The following PDZD2 variants were observed in gnomAD, a reference collection of about 807,000 sequenced individuals.
PDZD2 encodes PDZ domain-containing protein 2.
Under a neutral mutation model 220.7 loss-of-function variants are expected in PDZD2, and 90 were observed. The observed-to-expected ratio is 0.41, with a 90% CI of 0.34 to 0.49. The LOEUF is 0.49. Among genes scored for constraint, PDZD2 ranks in the 20% least tolerant of loss-of-function variants. The pLI is 0.28. For missense variants in PDZD2, 3,174 were observed against 3,608.5 expected, an observed-to-expected ratio of 0.88 and a Z score of 3.08; for synonymous variants, 1,375 against 1,450.5, an observed-to-expected ratio of 0.95 and a Z score of 1.18.
chr5:32,085,656 A>G (rs1742374717), intron 19 of PDZD2, among the ~76,000 whole-genome samples: 1 of 150,328 alleles, frequency 6.7e-6, no homozygotes, highest in Non-Finnish European at 1.5e-5. Flanking sequence ...CATGTTGGCC[A>G]GGCTGGTCTC....
At chr5:32,103,276 G>C (rs1472705828) in intron 24 of PDZD2, among the ~76,000 whole-genome samples, 1 of 152,122 alleles carries the variant, frequency 6.6e-6, no homozygotes, top group African/African-American at 2.4e-5. Context: ...AGCCTTGTTA[G>C]GCAGAGTGGT....
intron 1 of PDZD2, among the ~76,000 whole-genome samples, chr5:31,781,090 T>C (rs943587022): frequency 9.9e-5 from 15 of 151,856 alleles, no homozygotes; most frequent in African/African-American, 3.6e-4. Flanking sequence ...CCCTGATGGG[T>C]GGAGGAGGAT....
chr5:31,792,638 G>C (rs1486028079), intron 1 of PDZD2, among the ~76,000 whole-genome samples: 2 of 151,918 alleles, frequency 1.3e-5, no homozygotes, highest in Non-Finnish European at 2.9e-5. Context: ...GGCTGATCTC[G>C]AGTTTCTGAC....
chr5:31,999,671 T>C lies in PDZD2; in HGVS notation c.1122-468T>C, dbSNP rs376869905. On this transcript the variant is annotated intron_variant, in intron 4 of 24. Coordinates refer to ENST00000438447, the MANE Select transcript of PDZD2 (RefSeq NM_178140.4). ...TGCCCCAGAGGACATCTGGTCAGGG[T>C]CACATCCCTGGGAAGAGAGGAGTGC... is the stretch of plus-strand genomic sequence containing the variant. Among the ~76,000 whole-genome samples the C allele has an allele frequency of 3.9e-5, 6 of 152,102 alleles. No homozygotes were observed. In the East Asian group the frequency reaches 7.7e-4, roughly 19 times the overall value.
At chr5:31,989,115 G>A (rs926889176) in intron 3 of PDZD2, among the ~76,000 whole-genome samples, 1 of 152,178 alleles carries the variant, frequency 6.6e-6, no homozygotes, top group Non-Finnish European at 1.5e-5. Context: ...ATATTACGTA[G>A]TGATGAAGTT....
intron 14 of PDZD2, among the ~76,000 whole-genome samples, chr5:32,067,963 A>G (rs1473115839): frequency 6.6e-6 from 1 of 152,212 alleles, no homozygotes; most frequent in Non-Finnish European, 1.5e-5. Flanking sequence ...GGATATTTAC[A>G]TAGTCTCAAA....
chr5:32,043,398 T>C (rs1192464504), intron 7 of PDZD2, among the ~76,000 whole-genome samples: 1 of 152,240 alleles, frequency 6.6e-6, no homozygotes, highest in Non-Finnish European at 1.5e-5. Context: ...CCACCACCTC[T>C]GGTTACATGA....
At chr5:31,928,945 A>AT (rs1243235209) in intron 2 of PDZD2, among the ~76,000 whole-genome samples, 1 of 152,010 alleles carries the variant, frequency 6.6e-6, no homozygotes, top group Admixed American at 6.6e-5. Context: ...GTTTTGCCCT[A>AT]TTTTTCCATT....
intron 1 of PDZD2, among the ~76,000 whole-genome samples, chr5:31,647,594 C>G: frequency 6.6e-6 from 1 of 152,194 alleles, no homozygotes; most frequent in East Asian, 1.9e-4. Flanking sequence ...GTCTGTGTGT[C>G]TGTGTCTTCT....
chr5:32,065,918 C>T (rs1005307144), intron 14 of PDZD2, among the ~76,000 whole-genome samples: 12 of 152,006 alleles, frequency 7.9e-5, no homozygotes, highest in African/African-American at 2.9e-4. Context: ...CCCAGCTACT[C>T]GGGGCCGAGG....
intron 2 of PDZD2, among the ~76,000 whole-genome samples, chr5:31,864,934 C>T (rs62361596): frequency 0.043 from 6,196 of 142,762 alleles, 155 homozygotes; most frequent in Non-Finnish European, 0.055. Flanking sequence ...CTTCAAGCTC[C>T]GCCTCCTGGG....
chr5:32,078,688 G>T (rs912157424), intron 19 of PDZD2, among the ~76,000 whole-genome samples: 2 of 149,836 alleles, frequency 1.3e-5, no homozygotes, highest in Non-Finnish European at 3.0e-5. Flanking sequence ...GTGGCATGTG[G>T]CTATACTTTG....
In PDZD2 at chr5:32,061,051, G is replaced by T; in HGVS notation, c.2368G>T (p.Ala790Ser). The stretch of plus-strand genomic sequence containing the variant: ...GAACTCCGTCAACGTCCGCCATGCT[G>T]CTTTAAGCAAAGTCCACGCCATCTT... The part of the protein sequence containing the change: ...EVNSVNVRHA[A>S]LSKVHAILSK... Residue 790 changes from alanine (A) to serine (S), a missense_variant, in exon 14 of 25, where the codon GCT becomes TCT. This residue lies in a region of PDZD2 where 1,861 missense variants were observed against 2,001.0 expected (regional missense o/e 0.93). Transcript: ENST00000438447. The T allele has an allele frequency of 5.0e-6, 8 of 1,614,160 alleles. No individual in the cohort carries two copies. Among genetic ancestry groups the T allele is most frequent in the Non-Finnish European group, 6.8e-6 (8 of 1,179,996 alleles).
intron 6 of PDZD2, among the ~76,000 whole-genome samples, chr5:32,011,441 G>A (rs1020590891): frequency 6.6e-6 from 1 of 152,156 alleles, no homozygotes; most frequent in Non-Finnish European, 1.5e-5. Context: ...CAAGCCTTCA[G>A]TGAGCTGTGA....
chr5:31,916,306 G>A (rs1005657569), intron 2 of PDZD2, among the ~76,000 whole-genome samples: 1 of 152,176 alleles, frequency 6.6e-6, no homozygotes, highest in South Asian at 2.1e-4. Flanking sequence ...TGTATCCAAG[G>A]GTTGCCTTCC....
At chr5:31,788,281 G>T (rs1283505056) in intron 1 of PDZD2, among the ~76,000 whole-genome samples, 3 of 152,198 alleles carry the variant, frequency 2.0e-5, no homozygotes, top group Non-Finnish European at 2.9e-5. Context: ...TGAGGCAGGA[G>T]AATTGATTGA....
At chr5:32,094,510 A>G (rs756976591) in intron 21 of PDZD2, among the ~76,000 whole-genome samples, 5 of 152,100 alleles carry the variant, frequency 3.3e-5, no homozygotes, top group African/African-American at 4.8e-5. Context: ...GGCACCTAGT[A>G]AGGAGTTGGC....
At chr5:31,662,028 C>T (rs778062586) in intron 1 of PDZD2, among the ~76,000 whole-genome samples, 6 of 151,960 alleles carry the variant, frequency 3.9e-5, no homozygotes, top group East Asian at 1.9e-4. Context: ...TTCCTAAAGT[C>T]GGCTGGGCGT....
intron 5 of PDZD2, among the ~76,000 whole-genome samples, chr5:32,009,576 T>A (rs532954389): frequency 6.8e-6 from 1 of 147,940 alleles, no homozygotes; most frequent in African/African-American, 2.5e-5. Flanking sequence ...AAATAAAAAA[T>A]TTTAATTAGC....
Sources: gnomAD v4.1 joint callset for allele counts (sites outside exome capture counted in the v4.1 genomes callset) on GRCh38, gnomAD v4.1.1 for gene constraint, gnomAD v4.1.1 regional missense constraint, MANE v1.5 for transcripts, NCBI Gene and HGNC (gene_info 2026-07-23, HGNC 2026-07-21) for gene names.